CSMD1: variants seen among roughly 807,000 people sequenced by gnomAD.
CSMD1 encodes the protein CUB and Sushi multiple domains 1, also known as CUB and sushi domain-containing protein 1.
Under a neutral mutation model 417.5 loss-of-function variants are expected in CSMD1, and 213 were observed. The ratio of observed to expected loss-of-function variants is 0.51; its 90% CI spans 0.46 to 0.57. The LOEUF (loss-of-function observed/expected upper bound fraction) is 0.57. Among genes scored for constraint, CSMD1 ranks in the 20% least tolerant of loss-of-function variants. The pLI is 0.00. For synonymous variants in CSMD1, 2,862 were observed against 1,736.8 expected, an observed-to-expected ratio of 1.65 and a Z score of -16.11; for missense variants, 6,923 against 4,529.7, an observed-to-expected ratio of 1.53 and a Z score of -15.17.
At chr8:3,887,576 AG>A (rs1394526724) in intron 5 of CSMD1, among the ~76,000 whole-genome samples, 3 of 152,192 alleles carry the variant, frequency 2.0e-5, no homozygotes, top group Non-Finnish European at 4.4e-5. Flanking sequence ...CTGTAGAGCA[AG>A]GCCAAGGAAA....
At chr8:3,898,016 C>G (rs2129131683) in intron 5 of CSMD1, among the ~76,000 whole-genome samples, 1 of 152,206 alleles carries the variant, frequency 6.6e-6, no homozygotes, top group South Asian at 2.1e-4. Flanking sequence ...GCCCAGATCC[C>G]CAGTTTGACA....
intron 19 of CSMD1, 21 bp from the exon 20 acceptor site, chr8:3,367,268 A>C: frequency 8.3e-7 from 1 of 1,205,166 alleles, no homozygotes. Context: ...AAGCCGGGGG[A>C]GAGAGAGAGA....
chr8:4,583,379 G>A (rs1322243093), intron 2 of CSMD1, among the ~76,000 whole-genome samples: 1 of 152,088 alleles, frequency 6.6e-6, no homozygotes, highest in Non-Finnish European at 1.5e-5. Flanking sequence ...CTAGCTCAAG[G>A]TTTGTAAACA....
chr8:4,485,544 T>G (rs1407890960), intron 2 of CSMD1, among the ~76,000 whole-genome samples: 1 of 152,144 alleles, frequency 6.6e-6, no homozygotes, highest in East Asian at 1.9e-4. Flanking sequence ...ATGGCAATAT[T>G]CTTATAATTG....
intron 3 of CSMD1, among the ~76,000 whole-genome samples, chr8:4,290,530 A>G (rs1378289660): frequency 6.6e-6 from 1 of 152,194 alleles, no homozygotes; most frequent in African/African-American, 2.4e-5. Flanking sequence ...TCTCTGAGTT[A>G]TGGGGGAAAA....
At chr8:4,502,605 A>G (rs1802314880) in intron 2 of CSMD1, among the ~76,000 whole-genome samples, 1 of 152,190 alleles carries the variant, frequency 6.6e-6, no homozygotes, top group South Asian at 2.1e-4. Context: ...TCATTTTAAA[A>G]AAGGACTCTA....
chr8:4,323,932 G>A (rs1370265841), intron 3 of CSMD1, among the ~76,000 whole-genome samples: 1 of 152,132 alleles, frequency 6.6e-6, no homozygotes, highest in East Asian at 1.9e-4. Context: ...AGGTGTCCCA[G>A]CAACAGGCAT....
intron 22 of CSMD1, among the ~76,000 whole-genome samples, chr8:3,344,179 G>A (rs558305172): frequency 1.3e-4 from 20 of 152,112 alleles, no homozygotes; most frequent in Admixed American, 5.2e-4. Flanking sequence ...CCCAACTAGT[G>A]GGGAGACAGG....
In CSMD1 at chr8:4,788,311, G is replaced by C. The variant is rs1417839249; in HGVS notation, c.86-150753C>G. 1.8e-5 allele frequency: 28 copies of C among 1,578,188 alleles called. No homozygotes were observed. In the South Asian group the frequency reaches 2.2e-4, roughly 12 times the overall value. ...GTGGCAGTGGCAGGCAGAAGTAATGGTTTGGGACCAGTGATGTCTGGGAAC... is the reference window on the plus strand; with the variant it reads ...GTGGCAGTGGCAGGCAGAAGTAATGCTTTGGGACCAGTGATGTCTGGGAAC... On this transcript the variant is annotated intron_variant, in intron 1 of 69. Transcript: ENST00000635120.
intron 1 of CSMD1, among the ~76,000 whole-genome samples, chr8:4,700,364 A>T (rs958510132): frequency 6.6e-6 from 1 of 152,080 alleles, no homozygotes; most frequent in African/African-American, 2.4e-5. Context: ...TAAAAATATT[A>T]TTTGTTATCA....
chr8:4,285,377 G>C (rs184729501), intron 3 of CSMD1, among the ~76,000 whole-genome samples: 6 of 152,254 alleles, frequency 3.9e-5, no homozygotes, highest in African/African-American at 9.6e-5. Context: ...TTCTATTCTA[G>C]AGGGAAATGA....
chr8:3,374,563 G>A (rs1029583202), intron 18 of CSMD1, among the ~76,000 whole-genome samples: 6 of 152,238 alleles, frequency 3.9e-5, no homozygotes, highest in South Asian at 2.1e-4. Flanking sequence ...AGACTATGAC[G>A]GACATGCTGG....
chr8:4,931,356 G>A (rs946070917), intron 1 of CSMD1, among the ~76,000 whole-genome samples: 12 of 152,042 alleles, frequency 7.9e-5, no homozygotes, highest in Admixed American at 2.6e-4. Context: ...TTGATATTAG[G>A]CATAATCATG....
chr8:3,392,318 G>C (rs532995046), intron 17 of CSMD1, among the ~76,000 whole-genome samples: 20 of 152,056 alleles, frequency 1.3e-4, no homozygotes, highest in Admixed American at 2.6e-4. Flanking sequence ...ATAATTCTTG[G>C]GTCACAGGCA....
intron 1 of CSMD1, among the ~76,000 whole-genome samples, chr8:4,966,786 C>G (rs17433425): frequency 0.059 from 8,959 of 152,184 alleles, 411 homozygotes; most frequent in Non-Finnish European, 0.083. Context: ...CAGATATACT[C>G]GAACTGTAAA....
intron 5 of CSMD1, among the ~76,000 whole-genome samples, chr8:3,817,619 T>C (rs188577964): frequency 5.4e-4 from 82 of 152,160 alleles, no homozygotes; most frequent in African/African-American, 1.1e-3. Context: ...ACGGGCAATA[T>C]TCATCTGGCA....
At chr8:3,148,786 T>G in intron 40 of CSMD1, among the ~76,000 whole-genome samples, 1 of 152,324 alleles carries the variant, frequency 6.6e-6, no homozygotes, top group South Asian at 2.1e-4. Context: ...AGAGGACACA[T>G]CGCCACTCAC....
chr8:3,488,938 A>T (rs1237952301), intron 11 of CSMD1, among the ~76,000 whole-genome samples: 4 of 152,188 alleles, frequency 2.6e-5, no homozygotes, highest in African/African-American at 7.2e-5. Context: ...TAAAACCGAA[A>T]ATGTATTTAA....
At chr8:4,806,796 A>T (rs937271450) in intron 1 of CSMD1, among the ~76,000 whole-genome samples, 3 of 152,126 alleles carry the variant, frequency 2.0e-5, no homozygotes, top group African/African-American at 7.2e-5. Context: ...GACAACCTTA[A>T]ATTCTCATGC....
Sources: gnomAD v4.1 joint callset for allele counts (sites outside exome capture counted in the v4.1 genomes callset) on GRCh38, gnomAD v4.1.1 for gene constraint, MANE v1.5 for transcripts, NCBI Gene and HGNC (gene_info 2026-07-23, HGNC 2026-07-21) for gene names.